CFAP46: variants seen among roughly 807,000 people sequenced by gnomAD.
CFAP46 encodes cilia- and flagella-associated protein 46.
CFAP46 carries 245 observed loss-of-function variants against 325.7 expected under a neutral mutation model. The observed-to-expected ratio is 0.75, with a 90% CI of 0.68 to 0.84. The LOEUF is 0.84. CFAP46 is among the 40% of genes least tolerant of loss of function. The pLI is 0.00. For missense variants in CFAP46, 3,346 were observed against 3,543.0 expected (o/e 0.94, Z 1.41); for synonymous variants, 1,523 against 1,495.9 (o/e 1.02, Z -0.42).
chr10:132,921,890 A>G (rs572603513), intron 13 of CFAP46, among the ~76,000 whole-genome samples: 101 of 152,346 alleles, frequency 6.6e-4, no homozygotes, highest in African/African-American at 2.2e-3. Context: ...CCCGGCACAC[A>G]GGGCACCCGA....
chr10:132,835,404 C>T lies in CFAP46; in HGVS notation c.6644G>A (p.Ser2215Asn). 1.2e-6 allele frequency: 2 copies of T among 1,613,630 alleles called. No homozygotes were observed. Among genetic ancestry groups the T allele is most frequent in the Non-Finnish European group, 1.7e-6 (2 of 1,179,950 alleles). The change falls in exon 47 of 58, where the codon AGT becomes AAT. Residue 2215 changes from serine (S) to asparagine (N), a missense_variant. By Grantham distance (46) the Ser-to-Asn change is conservative (BLOSUM62 1). Coordinates refer to ENST00000368586, the MANE Select transcript of CFAP46 (RefSeq NM_001200049.3). Reference protein sequence around the residue: ...GSCKVMRLAISPTAFSHLLAC... With the variant: ...GSCKVMRLAINPTAFSHLLAC... Reference sequence around the variant, plus strand: ...CAGCAGGTGGGAGAAGGCAGTGGGACTTATGGCCAGACGCATCACCTTGCA... The same window carrying T: ...CAGCAGGTGGGAGAAGGCAGTGGGATTTATGGCCAGACGCATCACCTTGCA...
intron 49 of CFAP46, 61 bp from the exon 50 acceptor site, chr10:132,833,586 C>T: frequency 5.2e-6 from 8 of 1,552,476 alleles, no homozygotes; most frequent in Non-Finnish European, 7.0e-6. Flanking sequence ...CACGGGGTCG[C>T]AGGGCTCCGT....
chr10:132,862,527 G>C (rs1215929025), intron 35 of CFAP46, among the ~76,000 whole-genome samples: 1 of 152,092 alleles, frequency 6.6e-6, no homozygotes, highest in Non-Finnish European at 1.5e-5. Context: ...GTCCTGAGGA[G>C]TGGGCAGTAC....
intron 8 of CFAP46, 57 bp downstream of exon 8, chr10:132,934,695 G>T: frequency 8.3e-7 from 1 of 1,207,856 alleles, no homozygotes; most frequent in East Asian, 2.3e-5. Flanking sequence ...TTCAGTGCCT[G>T]CTAAATTTTG....
chr10:132,830,897 C>A (rs1298287338), intron 50 of CFAP46, among the ~76,000 whole-genome samples: 2 of 152,138 alleles, frequency 1.3e-5, no homozygotes, highest in Non-Finnish European at 2.9e-5. Flanking sequence ...GCCTTTTCTT[C>A]TTTCCTAACA....
chr10:132,856,396 G>T (rs1848642645), intron 39 of CFAP46, among the ~76,000 whole-genome samples: 1 of 152,174 alleles, frequency 6.6e-6, no homozygotes, highest in Admixed American at 6.5e-5. Flanking sequence ...AAAATTTTCA[G>T]TCATTAGTTA....
Position 132,821,601 on chromosome 10 carries a change from CTGTGTGT to C in CFAP46, c.7118-6694_7118-6688del, listed in dbSNP as rs61728242. On this transcript the variant is annotated intron_variant, in intron 50 of 57. Coordinates refer to ENST00000368586, the MANE Select transcript of CFAP46 (RefSeq NM_001200049.3). The stretch of plus-strand genomic sequence containing the variant: ...ATGTGTGCTGTGTGTGTGCTGTGTG[CTGTGTGT>C]GCGCTGATGTGTGCTGTGTGTGTGC... 6.3e-4 allele frequency among the ~76,000 whole-genome samples: 75 copies of C among 118,736 alleles called. 1 individual carries two copies. Among genetic ancestry groups the C allele is most frequent in the South Asian group, 4.4e-3 (14 of 3,196 alleles). The allele number at this position is 118,736 out of a possible 152,430, so 77.9% of individuals were successfully genotyped here.
At chr10:132,924,093 C>T (rs1040835932) in intron 11 of CFAP46, among the ~76,000 whole-genome samples, 18 of 152,106 alleles carry the variant, frequency 1.2e-4, no homozygotes, top group African/African-American at 4.3e-4. Context: ...GAGATCAGGG[C>T]TGTGATTCTC....
intron 25 of CFAP46, among the ~76,000 whole-genome samples, chr10:132,888,034 CTTCTCTCTCTCCTCTCCCCTCCT>C (rs1849191382): frequency 7.1e-6 from 1 of 139,952 alleles, no homozygotes; most frequent in African/African-American, 3.0e-5. Context: ...CCTCTCCCCT[CTTCTCTCTCTCCTCTCCCCTCCT>C]CTCTCTCTCC....
At position 132,850,278 on chromosome 10, in the gene CFAP46, A is replaced by T; in HGVS notation, c.5918T>A (p.Val1973Glu). 6.4e-7 allele frequency: 1 copy of T among 1,550,840 alleles called. No individual in the cohort carries two copies. Among genetic ancestry groups the T allele is most frequent in the Non-Finnish European group, 8.7e-7 (1 of 1,147,008 alleles). The change falls in exon 41 of 58, where the codon GTG becomes GAG. Residue 1973 changes from valine to glutamate, a missense_variant. Coordinates refer to ENST00000368586, the MANE Select transcript of CFAP46 (RefSeq NM_001200049.3). ...LHLLAMQADP[V>E]HPTCYWEAGP... ...CGCCTCCCAGTAGCAGGTAGGGTGC[A>T]CAGGGTCAGCTTGCATGGCCAGCAG...
intron 39 of CFAP46, among the ~76,000 whole-genome samples, chr10:132,851,563 C>T (rs981045108): frequency 2.0e-5 from 3 of 152,230 alleles, no homozygotes; most frequent in African/African-American, 7.2e-5. Context: ...TGCCTGCCGG[C>T]ACCCTGCATT....
rs551068650 is a variant in CFAP46, at chr10:132,915,068, T to C, written c.2120+1481A>G. ...TAGACCAGGCTGGGCAAACTTTTTC[T>C]ATAAGGGGCCAAATAGCATTTTGAG... On this transcript the variant is annotated intron_variant, in intron 17 of 57. Transcript: ENST00000368586. Among the ~76,000 whole-genome samples, 10 of 152,386 alleles carry C rather than the reference T, an allele frequency of 6.6e-5. No homozygotes were observed. In the East Asian group the frequency reaches 9.6e-4, roughly 15 times the overall value.
intron 23 of CFAP46, 103 bp downstream of exon 23, chr10:132,899,432 C>A (rs1849363698): frequency 7.0e-7 from 1 of 1,419,044 alleles, no homozygotes; most frequent in Admixed American, 2.8e-5. Context: ...CCGGCAGGAG[C>A]CCTCCCTTGG....
rs550575698 is a variant in CFAP46 at position 132,917,218 on chromosome 10, C to T, written c.1987-536G>A. On this transcript the variant is annotated intron_variant, in intron 16 of 57. Coordinates refer to ENST00000368586, the MANE Select transcript of CFAP46 (RefSeq NM_001200049.3). ...TGGCACCTGGGAGCCACTCAGCAGA[C>T]ATACTGCCTAAATCGGCAGGTGCCC... Among the ~76,000 whole-genome samples the T allele has an allele frequency of 3.0e-4, 45 of 152,394 alleles. 1 individual carries two copies. Among genetic ancestry groups the T allele is most frequent in the Non-Finnish European group, 8.8e-5 (6 of 68,042 alleles).
chr10:132,828,635 C>A lies in CFAP46; in HGVS notation c.7117+4723G>T, dbSNP rs530521879. 2.0e-5 allele frequency among the ~76,000 whole-genome samples: 3 copies of A among 152,230 alleles called. No homozygotes were observed. The highest frequency in any genetic ancestry group is 4.2e-4 in the South Asian group (2 of 4,816). On this transcript the variant is annotated intron_variant, in intron 50 of 57. Coordinates refer to ENST00000368586, the MANE Select transcript of CFAP46 (RefSeq NM_001200049.3). This position sits in a 1 kb window ranked among gnomAD's most constrained non-coding sequence, Gnocchi z 4.9. Reference sequence around the variant, plus strand: ...TTGGCGTAACTTTTCATTTTCTTAACAATATCTTTCAAAGAGTGGAAATTC... The same window carrying A: ...TTGGCGTAACTTTTCATTTTCTTAAAAATATCTTTCAAAGAGTGGAAATTC...
At chr10:132,911,180 G>A (rs1169129393) in intron 19 of CFAP46, among the ~76,000 whole-genome samples, 1 of 152,196 alleles carries the variant, frequency 6.6e-6, no homozygotes, top group East Asian at 1.9e-4. Flanking sequence ...CCCGGAGCCG[G>A]CCCCTTGTCC....
In CFAP46 at chr10:132,834,830, C is replaced by T. The variant is rs951202086; in HGVS notation, c.6745-55G>A. 7 of 1,571,388 alleles carry T rather than the reference C, an allele frequency of 4.5e-6. No individual in the cohort carries two copies. In the African/African-American group the frequency reaches 9.5e-5, roughly 21 times the overall value. On this transcript the variant is annotated intron_variant, in intron 47 of 57. Coordinates refer to ENST00000368586, the MANE Select transcript of CFAP46 (RefSeq NM_001200049.3). ...AGCAAACAGGGCGCATGGCCCAGAC[C>T]CCGCGAGGGCCAGGCCCCTGCAGAA...
intron 9 of CFAP46, chr10:132,929,482 T>A (rs1564804166): frequency 3.9e-6 from 3 of 768,686 alleles, no homozygotes; most frequent in Non-Finnish European, 7.3e-6. Context: ...TGTGGACCCG[T>A]GGCCACAAGA....
At chr10:132,825,090 CTG>C (rs1166630871) in intron 50 of CFAP46, among the ~76,000 whole-genome samples, 1 of 127,210 alleles carries the variant, frequency 7.9e-6, no homozygotes, top group Admixed American at 8.5e-5. Context: ...CTGATGTGTG[CTG>C]TGTGAGTGCT....
Sources: allele counts gnomAD v4.1 joint callset (sites outside exome capture counted in the v4.1 genomes callset), GRCh38; gene constraint gnomAD v4.1.1; non-coding constraint Gnocchi (gnomAD v3.1); transcripts MANE v1.5; gene names NCBI Gene and HGNC (gene_info 2026-07-23, HGNC 2026-07-21).